Variants in FAM50B observed in about 807,000 individuals in gnomAD.
The protein encoded by FAM50B is family with sequence similarity 50 member B.
A neutral mutation model predicts 25.4 loss-of-function variants in FAM50B; 9 were observed. The observed-to-expected ratio is 0.35, with a 90% CI of 0.21 to 0.62. The LOEUF (loss-of-function observed/expected upper bound fraction) is 0.62. Among genes scored for constraint, FAM50B ranks in the 20% least tolerant of loss-of-function variants. The pLI, the probability that FAM50B is intolerant of heterozygous loss-of-function variation, is 0.73. For synonymous variants in FAM50B, 212 were observed against 204.3 expected (o/e 1.04, Z -0.32); for missense variants, 372 against 477.9 (o/e 0.78, Z 2.07).
the FAM50B span, chr6:3,833,637 C>T: frequency 7.9e-5 from 12 of 152,212 alleles, no homozygotes; most frequent in South Asian, 6.2e-4. Flanking sequence ...TCCCTGGCTA[C>T]GAGGATTTTA....
the FAM50B span, among the ~76,000 whole-genome samples, chr6:3,837,967 A>G: frequency 6.6e-6 from 1 of 152,232 alleles, no homozygotes; most frequent in Non-Finnish European, 1.5e-5. Flanking sequence ...CAACACGTGA[A>G]CTTTTAGAGG....
chr6:3,835,753 A>G, the FAM50B span, among the ~76,000 whole-genome samples: 78 of 152,374 alleles, frequency 5.1e-4, no homozygotes, highest in Admixed American at 8.5e-4. Context: ...AATGAAGCTT[A>G]GAAAACTTAC....
chr6:3,844,662 G>T (rs1038881442), upstream of FAM50B, among the ~76,000 whole-genome samples: 28 of 152,098 alleles, frequency 1.8e-4, no homozygotes, highest in Non-Finnish European at 3.7e-4. Context: ...AGTGGGCCGA[G>T]ATCGCACCAT....
chr6:3,838,621 A>T, the FAM50B span, among the ~76,000 whole-genome samples: 2 of 152,174 alleles, frequency 1.3e-5, no homozygotes, highest in East Asian at 3.9e-4. Flanking sequence ...AGGCAGGCAG[A>T]ACATGAGGTC....
At chr6:3,842,871 A>G in the FAM50B span, among the ~76,000 whole-genome samples, 14 of 152,208 alleles carry the variant, frequency 9.2e-5, no homozygotes, top group Non-Finnish European at 1.9e-4. Context: ...CGCAATTAAT[A>G]TTTTATCTGC....
the FAM50B span, among the ~76,000 whole-genome samples, chr6:3,834,827 A>G: frequency 6.6e-6 from 1 of 152,228 alleles, no homozygotes; most frequent in Non-Finnish European, 1.5e-5. Flanking sequence ...GAAGTATGCT[A>G]TATTGTTTGA....
Position 3,850,659 on chromosome 6 carries a change from A to C in FAM50B, c.848A>C (p.Glu283Ala), listed in dbSNP as rs1762204820. The C allele has an allele frequency of 6.2e-7, 1 of 1,614,062 alleles. No individual in the cohort carries two copies. The highest frequency in any genetic ancestry group is 8.5e-7 in the Non-Finnish European group (1 of 1,180,022). Residue 283 changes from glutamate (E) to alanine (A), a missense_variant, in exon 2 of 2, where the codon GAG (glutamate) becomes GCG (alanine). Glu to Ala is a moderately radical substitution (Grantham distance 107). Around this residue, in one of 4 missense-constraint regions of FAM50B, gnomAD observed 57 missense variants for 65.8 expected, o/e 0.87. Coordinates refer to ENST00000648326, the MANE Select transcript of FAM50B (RefSeq NM_012135.3). ...CGCCTGCTCAGCGACGCCACCATGG[A>C]GAAGGACGAGTCGCACGCGGGCAAG... ...DVRLLSDATMEKDESHAGKVV... is the reference protein window; with the variant it reads ...DVRLLSDATMAKDESHAGKVV...
upstream of FAM50B, among the ~76,000 whole-genome samples, chr6:3,847,507 G>C (rs978640277): frequency 6.6e-6 from 1 of 152,248 alleles, no homozygotes; most frequent in Non-Finnish European, 1.5e-5. Context: ...GAATTGAAGA[G>C]ACTTAGGGCC....
upstream of FAM50B, among the ~76,000 whole-genome samples, chr6:3,848,287 G>A (rs1335960547): frequency 6.6e-6 from 1 of 152,198 alleles, no homozygotes; most frequent in Admixed American, 6.5e-5. Flanking sequence ...GCAACAATGA[G>A]AAGGCTTTAG....
the FAM50B span, among the ~76,000 whole-genome samples, chr6:3,839,866 C>G: frequency 6.6e-6 from 1 of 152,146 alleles, no homozygotes; most frequent in Non-Finnish European, 1.5e-5. Context: ...AAACATAGGG[C>G]CGGGAGCGGT....
chr6:3,835,448 T>A, the FAM50B span, among the ~76,000 whole-genome samples: 2 of 152,314 alleles, frequency 1.3e-5, no homozygotes, highest in South Asian at 4.1e-4. Context: ...TTGGACTAAT[T>A]TGACAACACA....
rs1762192122 is a variant in FAM50B, at chr6:3,850,190, C to A, written c.379C>A (p.Leu127Ile). Residue 127 changes from leucine to isoleucine, a missense_variant, in exon 2 of 2, where the codon CTC becomes ATC. Physicochemically the swap from Leu to Ile is conservative, Grantham distance 5. This residue lies in a region of FAM50B where 224 missense variants were observed against 232.2 expected (regional missense o/e 0.96). Transcript: ENST00000648326. ...ISCLSFALDD[L>I]DDQADAAEAR... Reference sequence around the variant, plus strand: ...CTGCCTGTCCTTTGCACTAGACGACCTCGATGACCAGGCCGACGCGGCCGA... The same window carrying A: ...CTGCCTGTCCTTTGCACTAGACGACATCGATGACCAGGCCGACGCGGCCGA... 1.9e-6 allele frequency: 3 copies of A among 1,613,448 alleles called. No individual in the cohort carries two copies. Among genetic ancestry groups the A allele is most frequent in the Non-Finnish European group, 2.5e-6 (3 of 1,179,882 alleles).
rs1160155704 is a variant in FAM50B at position 3,850,321 on chromosome 6, C to T, written c.510C>T (p.Arg170=). The T allele has an allele frequency of 2.5e-6, 4 of 1,613,334 alleles. No homozygotes were observed. The highest frequency in any genetic ancestry group is 1.1e-5 in the South Asian group (1 of 91,086). ...EEENRLREEL[R]QEWEAQREKV... ...AGAACCGGCTCCGAGAGGAGCTGCG[C>T]CAAGAGTGGGAGGCGCAGCGCGAGA... Residue 170 remains arginine (R), a synonymous_variant, in exon 2 of 2, where the codon CGC becomes CGT. Coordinates refer to ENST00000648326, the MANE Select transcript of FAM50B (RefSeq NM_012135.3).
rs1260859899 is a variant in FAM50B at position 3,850,559 on chromosome 6, T to G, written c.748T>G (p.Phe250Val). The part of the protein sequence containing the change: ...EDLILPHYHT[F>V]YDFIIARARG... ...CCTCATCCTGCCGCACTACCACACC[T>G]TCTACGACTTCATCATCGCCAGGGC... The change falls in exon 2 of 2, where the codon TTC becomes GTC. Residue 250 changes from phenylalanine to valine, a missense_variant. By Grantham distance (50) the Phe-to-Val change is conservative. Around this residue, in one of 4 missense-constraint regions of FAM50B, gnomAD observed 27 missense variants for 61.6 expected, o/e 0.44. Transcript: ENST00000648326. The G allele has an allele frequency of 3.7e-6, 6 of 1,613,958 alleles. No individual in the cohort carries two copies. In the East Asian group the frequency reaches 1.3e-4, roughly 36 times the overall value.
chr6:3,849,212 C>T (rs1762163287), upstream of FAM50B, among the ~76,000 whole-genome samples: 1 of 152,222 alleles, frequency 6.6e-6, no homozygotes, highest in Non-Finnish European at 1.5e-5. Context: ...CTGGCCCGCC[C>T]CACAGGAGCA....
chr6:3,849,496 C>T lies in FAM50B; in HGVS notation c.-24+10C>T. 1 of 319,882 alleles carries T rather than the reference C, an allele frequency of 3.1e-6. No homozygotes were observed. The highest frequency in any genetic ancestry group is 5.8e-6 in the Non-Finnish European group (1 of 173,404). The allele number at this position is 319,882 out of a possible 1,614,324, so 19.8% of individuals were successfully genotyped here. A position where few individuals can be genotyped will look rare whatever the true frequency, so the allele number is the denominator to read the frequency against. On this transcript the variant is annotated intron_variant, in intron 1 of 1. Coordinates refer to ENST00000648326, the MANE Select transcript of FAM50B (RefSeq NM_012135.3). Reference sequence around the variant, plus strand: ...CAGGGTGCTTGGGCAGGTAAGGGTCCGCTCAGTAGCCCAACCCTCTCTGTA... The same window carrying T: ...CAGGGTGCTTGGGCAGGTAAGGGTCTGCTCAGTAGCCCAACCCTCTCTGTA...
At chr6:3,849,532 C>G in intron 1 of FAM50B, 46 bp downstream of exon 1, 1 of 461,978 alleles carries the variant, frequency 2.2e-6, no homozygotes, top group Non-Finnish European at 3.8e-6. Flanking sequence ...TGCAGCTCCC[C>G]AAATTCAGCG....
the FAM50B span, among the ~76,000 whole-genome samples, chr6:3,833,441 G>A: frequency 6.6e-6 from 1 of 152,162 alleles, no homozygotes; most frequent in Non-Finnish European, 1.5e-5. Context: ...TGTGTGGTGA[G>A]CATTTGCTCA....
rs750156055 is a variant in FAM50B at position 3,850,706 on chromosome 6, G to C, written c.895G>C (p.Glu299Gln). ...AGKVVLRSWYEKNKHIFPASR... is the reference protein window; with the variant it reads ...AGKVVLRSWYQKNKHIFPASR... ...CAAGGTGGTGCTGCGCAGCTGGTAC[G>C]AGAAGAACAAGCACATCTTCCCCGC... Residue 299 changes from glutamate (E) to glutamine (Q), a missense_variant, in exon 2 of 2, where the codon GAG becomes CAG. Physicochemically the swap from Glu to Gln is conservative, Grantham distance 29 (BLOSUM62 2). This residue lies in a region of FAM50B where 57 missense variants were observed against 65.8 expected (regional missense o/e 0.87). Transcript: ENST00000648326. The C allele has an allele frequency of 5.6e-6, 9 of 1,613,986 alleles. No individual in the cohort carries two copies. Among genetic ancestry groups the C allele is most frequent in the Non-Finnish European group, 5.1e-6 (6 of 1,180,040 alleles).
Sources: allele counts gnomAD v4.1 joint callset (sites outside exome capture counted in the v4.1 genomes callset), GRCh38; gene constraint gnomAD v4.1.1; regional missense constraint gnomAD v4.1.1; transcripts MANE v1.5; gene names NCBI Gene and HGNC (gene_info 2026-07-23, HGNC 2026-07-21).